SGCZ: variants seen among roughly 807,000 people sequenced by gnomAD.
SGCZ encodes sarcoglycan zeta, also known as zeta-sarcoglycan.
SGCZ carries 40 observed loss-of-function variants against 41.3 expected under a neutral mutation model. The ratio of observed to expected loss-of-function variants is 0.97; its 90% CI spans 0.75 to 1.26. The LOEUF (loss-of-function observed/expected upper bound fraction) is 1.26. SGCZ is among the 50% of genes most tolerant of loss of function. The pLI, the probability that SGCZ is intolerant of heterozygous loss-of-function variation, is 0.00. For missense variants in SGCZ, 552 were observed against 369.8 expected (o/e 1.49, Z -4.04); for synonymous variants, 206 against 137.5 (o/e 1.50, Z -3.49).
intron 1 of SGCZ, among the ~76,000 whole-genome samples, chr8:14,881,914 T>A (rs1019267260): frequency 5.9e-5 from 9 of 152,168 alleles, no homozygotes; most frequent in African/African-American, 1.9e-4. Flanking sequence ...AACTCAGGAT[T>A]AAGAAACTCA....
chr8:14,976,567 T>A (rs529686701), intron 1 of SGCZ, among the ~76,000 whole-genome samples: 1 of 152,168 alleles, frequency 6.6e-6, no homozygotes, highest in Non-Finnish European at 1.5e-5. Context: ...CCTGTCTATC[T>A]CTAGCTGTGA....
chr8:14,655,542 A>G (rs1807538582), intron 1 of SGCZ, among the ~76,000 whole-genome samples: 1 of 147,856 alleles, frequency 6.8e-6, no homozygotes, highest in African/African-American at 2.5e-5. Context: ...TGTGTAGATG[A>G]AGGGTTTTTA....
chr8:15,231,762 C>T (rs1163011781), intron 1 of SGCZ, among the ~76,000 whole-genome samples: 1 of 151,808 alleles, frequency 6.6e-6, no homozygotes, highest in East Asian at 1.9e-4. Context: ...GCTGGGAGTA[C>T]AGAAGCACAC....
intron 1 of SGCZ, among the ~76,000 whole-genome samples, chr8:14,940,498 A>G (rs1800235500): frequency 6.6e-6 from 1 of 152,166 alleles, no homozygotes; most frequent in East Asian, 1.9e-4. Context: ...TTTCCTAAGT[A>G]AAATATATGT....
chr8:15,117,009 C>A (rs1563134980), intron 1 of SGCZ, among the ~76,000 whole-genome samples: 1 of 152,264 alleles, frequency 6.6e-6, no homozygotes, highest in African/African-American at 2.4e-5. Flanking sequence ...ACAGTTACAT[C>A]TTTGCTAAAG....
At chr8:14,377,525 T>C (rs1804178622) in intron 2 of SGCZ, among the ~76,000 whole-genome samples, 1 of 152,076 alleles carries the variant, frequency 6.6e-6, no homozygotes, top group Admixed American at 6.6e-5. Flanking sequence ...TTTTTGTTTT[T>C]ATTTTTTTCT....
At chr8:15,112,776 T>C (rs1280568722) in intron 1 of SGCZ, among the ~76,000 whole-genome samples, 1 of 152,176 alleles carries the variant, frequency 6.6e-6, no homozygotes, top group African/African-American at 2.4e-5. Flanking sequence ...GTCACCTTGA[T>C]AGTGAATCCT....
At chr8:14,941,771 T>A in intron 1 of SGCZ, among the ~76,000 whole-genome samples, 1 of 151,872 alleles carries the variant, frequency 6.6e-6, no homozygotes, top group East Asian at 1.9e-4. Flanking sequence ...ACAGATATTT[T>A]AAATTATCTC....
intron 4 of SGCZ, among the ~76,000 whole-genome samples, chr8:14,210,514 G>A (rs543672049): frequency 6.6e-6 from 1 of 150,980 alleles, no homozygotes; most frequent in African/African-American, 2.4e-5. Context: ...CCAGACTGGA[G>A]TGCAATGGTG....
At chr8:14,114,930 A>G (rs189809226) in intron 5 of SGCZ, among the ~76,000 whole-genome samples, 2 of 152,142 alleles carry the variant, frequency 1.3e-5, no homozygotes, top group East Asian at 3.9e-4. Context: ...ACATGTAAAG[A>G]AAACAGAATT....
At chr8:14,912,673 T>A (rs1455356333) in intron 1 of SGCZ, among the ~76,000 whole-genome samples, 1 of 152,044 alleles carries the variant, frequency 6.6e-6, no homozygotes, top group Non-Finnish European at 1.5e-5. Flanking sequence ...CATTCACCTG[T>A]GAAGGCCAAA....
intron 1 of SGCZ, among the ~76,000 whole-genome samples, chr8:15,098,143 G>T (rs1806457333): frequency 6.6e-6 from 1 of 151,614 alleles, no homozygotes; most frequent in Non-Finnish European, 1.5e-5. Context: ...AGCAGAGCAG[G>T]AAAGGAGGTA....
intron 3 of SGCZ, among the ~76,000 whole-genome samples, chr8:14,292,305 T>C (rs999251560): frequency 6.6e-6 from 1 of 151,964 alleles, no homozygotes; most frequent in African/African-American, 2.4e-5. Context: ...GACATGAGAG[T>C]AGCTACTCAA....
At chr8:14,150,848 A>T (rs1192085669) in intron 5 of SGCZ, among the ~76,000 whole-genome samples, 1 of 152,180 alleles carries the variant, frequency 6.6e-6, no homozygotes, top group East Asian at 1.9e-4. Flanking sequence ...TGCCATAAAA[A>T]AGAATGAAAT....
chr8:14,319,096 G>A (rs1019965059), intron 3 of SGCZ, among the ~76,000 whole-genome samples: 3 of 151,952 alleles, frequency 2.0e-5, no homozygotes, highest in African/African-American at 7.2e-5. Context: ...TAGCTGTGGG[G>A]AACAAAGATG....
At chr8:14,374,510 G>A (rs115086432) in intron 2 of SGCZ, among the ~76,000 whole-genome samples, 3,012 of 152,190 alleles carry the variant, frequency 0.02, 80 homozygotes, top group African/African-American at 0.056. Flanking sequence ...CATCTTCTGT[G>A]AATGAGACTA....
At chr8:14,373,558 C>T (rs754200969) in intron 2 of SGCZ, among the ~76,000 whole-genome samples, 1 of 151,948 alleles carries the variant, frequency 6.6e-6, no homozygotes, top group Non-Finnish European at 1.5e-5. Flanking sequence ...TGATGGAAGA[C>T]TAGAGGTAGA....
At chr8:14,640,607 CAT>C (rs61327556) in intron 1 of SGCZ, among the ~76,000 whole-genome samples, 102 of 151,084 alleles carry the variant, frequency 6.8e-4, no homozygotes, top group African/African-American at 2.3e-3. Flanking sequence ...AAACACCACA[CAT>C]ATATATATAC....
At chr8:14,661,830 T>A (rs994553324) in intron 1 of SGCZ, among the ~76,000 whole-genome samples, 1 of 112,270 alleles carries the variant, frequency 8.9e-6, no homozygotes, top group Non-Finnish European at 1.7e-5. Context: ...TGAAATGTGA[T>A]CTCAAATTGT....
Sources: gnomAD v4.1 joint callset for allele counts (sites outside exome capture counted in the v4.1 genomes callset) on GRCh38, gnomAD v4.1.1 for gene constraint, MANE v1.5 for transcripts, NCBI Gene and HGNC (gene_info 2026-07-23, HGNC 2026-07-21) for gene names.